PHKB: variants seen among roughly 807,000 people sequenced by gnomAD.
The protein encoded by PHKB is phosphorylase kinase regulatory subunit beta.
PHKB carries 122 observed loss-of-function variants against 152.1 expected under a neutral mutation model. The ratio of observed to expected loss-of-function variants is 0.80; its 90% CI spans 0.69 to 0.93. The LOEUF (loss-of-function observed/expected upper bound fraction) is 0.93. Ranked by LOEUF, PHKB falls within the 40% of genes least tolerant of loss-of-function variation. The pLI is 0.00. For synonymous variants in PHKB, 436 were observed against 464.9 expected (o/e 0.94, Z 0.80); for missense variants, 1,304 against 1,328.4 (o/e 0.98, Z 0.29).
At chr16:47,545,432 C>G (rs564935757) in intron 6 of PHKB, among the ~76,000 whole-genome samples, 17 of 152,334 alleles carry the variant, frequency 1.1e-4, no homozygotes, top group African/African-American at 2.4e-4. Flanking sequence ...CCACTCTCTT[C>G]TGGCTTGTAT....
At chr16:47,634,374 A>T (rs371128989) in intron 14 of PHKB, among the ~76,000 whole-genome samples, 4 of 152,234 alleles carry the variant, frequency 2.6e-5, no homozygotes, top group African/African-American at 7.2e-5. Context: ...ATGGGCAGTC[A>T]TTCATCAAAT....
At chr16:47,498,203 T>C (rs1970265497) in intron 2 of PHKB, among the ~76,000 whole-genome samples, 1 of 152,230 alleles carries the variant, frequency 6.6e-6, no homozygotes, top group Admixed American at 6.5e-5. Context: ...CTTACTTCTT[T>C]TGGTCAAGAT....
At chr16:47,639,222 C>T (rs535586076) in intron 14 of PHKB, among the ~76,000 whole-genome samples, 20 of 151,836 alleles carry the variant, frequency 1.3e-4, no homozygotes, top group South Asian at 4.2e-4. Context: ...TGCAGTGAGC[C>T]GTGATCACTC....
At chr16:47,666,162 A>T in intron 25 of PHKB, 1 of 728,006 alleles carries the variant, frequency 1.4e-6, no homozygotes, top group East Asian at 2.7e-5. Context: ...GGGCTCAGGC[A>T]CTTTCTATCA....
In PHKB at chr16:47,503,022, G is replaced by A. The variant is rs1312712270; in HGVS notation, c.337G>A (p.Glu113Lys). 5.6e-6 allele frequency: 9 copies of A among 1,613,358 alleles called. No homozygotes were observed. The highest frequency in any genetic ancestry group is 2.2e-5 in the East Asian group (1 of 44,868). The change falls in exon 4 of 31, where the codon GAG (glutamate) becomes AAG (lysine). Residue 113 changes from glutamate to lysine, a missense_variant. By Grantham distance (56) the Glu-to-Lys change is moderately conservative (BLOSUM62 1). Coordinates refer to ENST00000323584, the MANE Select transcript of PHKB (RefSeq NM_000293.3). ...TGATGATGACAAGGGAAGGACCCAT[G>A]AGCTGGAGCACTCAGCTATAAAATG... is the stretch of plus-strand genomic sequence containing the variant. The part of the protein sequence containing the change: ...RIDDDKGRTH[E>K]LEHSAIKCMR...
At chr16:47,697,037 G>C (rs1287157753) in intron 29 of PHKB, among the ~76,000 whole-genome samples, 1 of 152,166 alleles carries the variant, frequency 6.6e-6, no homozygotes, top group Non-Finnish European at 1.5e-5. Context: ...CCTGTATAAA[G>C]TTACATGTAA....
At chr16:47,666,594 G>T (rs1171081537) in intron 25 of PHKB, among the ~76,000 whole-genome samples, 1 of 152,178 alleles carries the variant, frequency 6.6e-6, no homozygotes. Flanking sequence ...CTCACAATAG[G>T]TCTGTGACAA....
intron 26 of PHKB, among the ~76,000 whole-genome samples, chr16:47,671,734 T>C (rs1378275819): frequency 6.6e-6 from 1 of 152,194 alleles, no homozygotes; most frequent in East Asian, 1.9e-4. Context: ...AGATATATTT[T>C]GCAGCAGTCT....
At chr16:47,663,463 T>C (rs1329490454) in intron 23 of PHKB, among the ~76,000 whole-genome samples, 1 of 152,218 alleles carries the variant, frequency 6.6e-6, no homozygotes, top group East Asian at 1.9e-4. Context: ...AAAATACCTA[T>C]ATTACATACT....
chr16:47,534,055 C>A (rs1970909728), intron 6 of PHKB, among the ~76,000 whole-genome samples: 1 of 152,232 alleles, frequency 6.6e-6, no homozygotes, highest in Non-Finnish European at 1.5e-5. Context: ...TGGGCGGCTG[C>A]AGTGGCATCT....
chr16:47,594,670 G>C (rs1972087975), intron 12 of PHKB, among the ~76,000 whole-genome samples: 1 of 152,148 alleles, frequency 6.6e-6, no homozygotes. Flanking sequence ...CTGCCATGGT[G>C]CTAAAACATC....
intron 16 of PHKB, 105 bp from the exon 17 acceptor site, chr16:47,648,428 C>T: frequency 1.2e-6 from 1 of 852,834 alleles, no homozygotes; most frequent in Non-Finnish European, 2.0e-6. Context: ...GGTTCCCTAG[C>T]TTCTTTCTCT....
Position 47,499,903 on chromosome 16 carries a change from G to T in PHKB, c.305+9G>T, listed in dbSNP as rs1198321437. ...TTGGCTCTTGCATACAGGTGAGCTG[G>T]TGTGTGTTCTCCTCGTAACTTTGAG... On this transcript the variant is annotated intron_variant, in intron 3 of 30. Coordinates refer to ENST00000323584, the MANE Select transcript of PHKB (RefSeq NM_000293.3). 6.2e-7 allele frequency: 1 copy of T among 1,613,984 alleles called. No homozygotes were observed. The highest frequency in any genetic ancestry group is 8.5e-7 in the Non-Finnish European group (1 of 1,179,984).
Position 47,461,416 on chromosome 16 carries a change from C to G in PHKB, c.66C>G (p.Thr22=). Residue 22 remains threonine, a synonymous_variant, in exon 1 of 31, where the codon ACC becomes ACG. Transcript: ENST00000323584. The stretch of plus-strand genomic sequence containing the variant: ...AGGTCTTGGAGCGAAGAGCTCGGAC[C>G]AAGCGCTCAGGTTTGGCTGGCTGGG... ...SWKVLERRAR[T]KRSGSVYEPL... 2 of 1,613,302 alleles carry G rather than the reference C, an allele frequency of 1.2e-6. No homozygotes were observed. The highest frequency in any genetic ancestry group is 1.7e-6 in the Non-Finnish European group (2 of 1,179,788).
intron 1 of PHKB, among the ~76,000 whole-genome samples, chr16:47,488,512 CTT>C (rs1462005378): frequency 1.3e-5 from 2 of 152,138 alleles, no homozygotes; most frequent in Non-Finnish European, 2.9e-5. Flanking sequence ...TGTTATAAAT[CTT>C]TGCCATGGCC....
At chr16:47,577,095 C>G (rs1462250937) in intron 7 of PHKB, among the ~76,000 whole-genome samples, 2 of 151,498 alleles carry the variant, frequency 1.3e-5, no homozygotes, top group Non-Finnish European at 2.9e-5. Flanking sequence ...TTTCATCTTT[C>G]TGTTTTATTT....
rs918979342 is a variant in PHKB at position 47,556,912 on chromosome 16, G to T, written c.710+9364G>T. On this transcript the variant is annotated intron_variant, in intron 7 of 30. Transcript: ENST00000323584. Reference sequence around the variant, plus strand: ...TCCATCTGGTCCTGGACTCTTTTTGGTTGGCAAGCTATTGATTATTGCCAC... The same window carrying T: ...TCCATCTGGTCCTGGACTCTTTTTGTTTGGCAAGCTATTGATTATTGCCAC... 7.9e-5 allele frequency among the ~76,000 whole-genome samples: 12 copies of T among 152,244 alleles called. 1 individual carries two copies. Among genetic ancestry groups the T allele is most frequent in the African/African-American group, 2.6e-4 (11 of 41,544 alleles).
At chr16:47,682,247 G>T (rs1203431854) in intron 26 of PHKB, among the ~76,000 whole-genome samples, 11 of 152,180 alleles carry the variant, frequency 7.2e-5, no homozygotes. Flanking sequence ...TCTTGGAGTT[G>T]CTCTTCTCGA....
intron 26 of PHKB, among the ~76,000 whole-genome samples, chr16:47,681,049 G>A (rs1973844367): frequency 6.6e-6 from 1 of 152,150 alleles, no homozygotes; most frequent in Admixed American, 6.5e-5. Context: ...TTCAGGAGCA[G>A]GTTGTTCAGT....
Sources: gnomAD v4.1 joint callset for allele counts (sites outside exome capture counted in the v4.1 genomes callset) on GRCh38, gnomAD v4.1.1 for gene constraint, MANE v1.5 for transcripts, NCBI Gene and HGNC (gene_info 2026-07-23, HGNC 2026-07-21) for gene names.